The following SLC39A12 variants were observed in gnomAD, a reference collection of about 807,000 sequenced individuals.
SLC39A12 encodes solute carrier family 39 member 12, also known as zinc transporter ZIP12.
In SLC39A12, 63 loss-of-function variants were observed where a neutral mutation model predicts 71.1. The ratio of observed to expected loss-of-function variants is 0.89; its 90% CI spans 0.72 to 1.09. SLC39A12 has a LOEUF of 1.09. SLC39A12 is among the 50% of genes least tolerant of loss of function. The pLI, the probability that SLC39A12 is intolerant of heterozygous loss-of-function variation, is 0.00. For missense variants in SLC39A12, 892 were observed against 812.6 expected (o/e 1.10, Z -1.19); for synonymous variants, 351 against 301.3 (o/e 1.16, Z -1.71).
chr10:17,995,269 G>A (rs2130832104), intron 9 of SLC39A12, among the ~76,000 whole-genome samples: 1 of 152,274 alleles, frequency 6.6e-6, no homozygotes, highest in Non-Finnish European at 1.5e-5. Flanking sequence ...GTTAGAGGAT[G>A]GATCTTAAGT....
chr10:18,017,065 A>G (rs939924570), intron 12 of SLC39A12, among the ~76,000 whole-genome samples: 4 of 152,178 alleles, frequency 2.6e-5, no homozygotes, highest in African/African-American at 9.7e-5. Context: ...ACTTGAATCT[A>G]TGCTCCTGGA....
intron 12 of SLC39A12, among the ~76,000 whole-genome samples, chr10:18,020,913 G>A (rs1486569954): frequency 6.6e-6 from 1 of 152,078 alleles, no homozygotes; most frequent in Non-Finnish European, 1.5e-5. Flanking sequence ...TTCCCATTCT[G>A]TAGGCTGTCT....
At chr10:17,982,256 C>T (rs558806549) in intron 6 of SLC39A12, among the ~76,000 whole-genome samples, 83 of 152,250 alleles carry the variant, frequency 5.5e-4, no homozygotes, top group South Asian at 1.0e-3. Context: ...AAGGGCTTCA[C>T]TGTGAAGCCC....
intron 12 of SLC39A12, among the ~76,000 whole-genome samples, chr10:18,022,970 G>A (rs1312920464): frequency 1.3e-5 from 2 of 152,174 alleles, no homozygotes; most frequent in African/African-American, 2.4e-5. Context: ...ATGACCAGTA[G>A]ACAGGCTCTT....
intron 12 of SLC39A12, among the ~76,000 whole-genome samples, chr10:18,041,895 G>A (rs1247423907): frequency 1.4e-5 from 2 of 147,234 alleles, no homozygotes; most frequent in African/African-American, 2.5e-5. Context: ...ACACATATAT[G>A]TATATGTATA....
chr10:17,980,695 C>A (rs2130808054), intron 5 of SLC39A12, among the ~76,000 whole-genome samples: 1 of 152,006 alleles, frequency 6.6e-6, no homozygotes, highest in African/African-American at 2.4e-5. Context: ...TCAGTAAAGT[C>A]AGTAAGAAAT....
intron 12 of SLC39A12, among the ~76,000 whole-genome samples, chr10:18,004,964 T>C (rs565796313): frequency 1.3e-5 from 2 of 150,750 alleles, no homozygotes; most frequent in African/African-American, 4.9e-5. Context: ...CCCAGCAAAC[T>C]AATGCATGAA....
chr10:17,961,255 G>T (rs1834681036), intron 2 of SLC39A12, among the ~76,000 whole-genome samples: 1 of 152,176 alleles, frequency 6.6e-6, no homozygotes. Flanking sequence ...AAAGAAGATT[G>T]CAAGGAATTC....
intron 12 of SLC39A12, among the ~76,000 whole-genome samples, chr10:18,022,635 T>C (rs552326164): frequency 6.6e-6 from 1 of 152,334 alleles, no homozygotes; most frequent in African/African-American, 2.4e-5. Flanking sequence ...GTCTTTCATT[T>C]CAGCCATTTC....
At chr10:18,027,444 G>A (rs1430978129) in intron 12 of SLC39A12, among the ~76,000 whole-genome samples, 1 of 152,204 alleles carries the variant, frequency 6.6e-6, no homozygotes, top group African/African-American at 2.4e-5. Flanking sequence ...CCTCCTACCA[G>A]AAGTATGAGA....
At chr10:18,015,250 G>T (rs1836343166) in intron 12 of SLC39A12, among the ~76,000 whole-genome samples, 2 of 152,068 alleles carry the variant, frequency 1.3e-5, no homozygotes, top group African/African-American at 4.8e-5. Context: ...CTGTTTAATG[G>T]AAAGACTGTT....
chr10:17,985,488 A>G (rs1162581756), intron 6 of SLC39A12, among the ~76,000 whole-genome samples: 1 of 151,808 alleles, frequency 6.6e-6, no homozygotes, highest in Non-Finnish European at 1.5e-5. Flanking sequence ...AGCTTTAGGT[A>G]TTTTGACACC....
chr10:18,037,529 T>G (rs1480512309), intron 12 of SLC39A12, among the ~76,000 whole-genome samples: 1 of 152,220 alleles, frequency 6.6e-6, no homozygotes. Context: ...TGTTATCCTC[T>G]CTGAGCTAAT....
chr10:18,023,349 G>C (rs537164063), intron 12 of SLC39A12, among the ~76,000 whole-genome samples: 1 of 152,158 alleles, frequency 6.6e-6, no homozygotes, highest in African/African-American at 2.4e-5. Flanking sequence ...AGACAGTCTG[G>C]CCTCTCCTTT....
chr10:18,016,583 CATG>C (rs1237525918), intron 12 of SLC39A12, among the ~76,000 whole-genome samples: 1 of 152,142 alleles, frequency 6.6e-6, no homozygotes, highest in Non-Finnish European at 1.5e-5. Flanking sequence ...TGCTGGATTA[CATG>C]ATAAGTGTGT....
At chr10:18,035,001 T>A (rs1422652266) in intron 12 of SLC39A12, among the ~76,000 whole-genome samples, 1 of 151,062 alleles carries the variant, frequency 6.6e-6, no homozygotes, top group African/African-American at 2.4e-5. Flanking sequence ...CTTGTAGGGT[T>A]TCTGCCGAGA....
chr10:18,003,421 A>G (rs1589242005), intron 12 of SLC39A12, 63 bp downstream of exon 12: 4 of 1,424,928 alleles, frequency 2.8e-6, no homozygotes, highest in African/African-American at 2.9e-5. Flanking sequence ...CAGAGAAAAA[A>G]AACAGTAAAA....
At chr10:18,036,962 T>G (rs1438705304) in intron 12 of SLC39A12, among the ~76,000 whole-genome samples, 1 of 151,320 alleles carries the variant, frequency 6.6e-6, no homozygotes, top group Non-Finnish European at 1.5e-5. Flanking sequence ...AATTTTTGTG[T>G]TTTTAATAGA....
Position 17,991,244 on chromosome 10 carries a change from A to G in SLC39A12, c.1363A>G (p.Ile455Val), listed in dbSNP as rs766150905. 6.3e-7 allele frequency: 1 copy of G among 1,597,990 alleles called. No homozygotes were observed. Among genetic ancestry groups the G allele is most frequent in the South Asian group, 1.2e-5 (1 of 86,216 alleles). The change falls in exon 8 of 13, where the codon ATC (isoleucine) becomes GTC (valine). Residue 455 changes from isoleucine to valine, a missense_variant. Physicochemically the swap from Ile to Val is conservative, Grantham distance 29. Coordinates refer to ENST00000377369, the MANE Select transcript of SLC39A12 (RefSeq NM_001145195.2). ...IWKLMGLIGG[I>V]HGFFLIEKCF... ...GAAACTGATGGGATTAATTGGAGGC[A>G]TCCATGGATTTTTCTTGATAGAAAA...
Sources: allele counts gnomAD v4.1 joint callset (sites outside exome capture counted in the v4.1 genomes callset), GRCh38; gene constraint gnomAD v4.1.1; transcripts MANE v1.5; gene names NCBI Gene and HGNC (gene_info 2026-07-23, HGNC 2026-07-21).